RABL6: variants seen among roughly 807,000 people sequenced by gnomAD.
RABL6 encodes rab-like protein 6.
Under a neutral mutation model 72.9 loss-of-function variants are expected in RABL6, and 28 were observed. The observed-to-expected ratio is 0.38, with a 90% CI of 0.28 to 0.53. The LOEUF is 0.53. Ranked by LOEUF, RABL6 falls within the 20% of genes least tolerant of loss-of-function variation. The pLI is 0.80. For synonymous variants in RABL6, 477 were observed against 421.2 expected, an observed-to-expected ratio of 1.13 and a Z score of -1.62; for missense variants, 1,029 against 1,008.4, an observed-to-expected ratio of 1.02 and a Z score of -0.28.
chr9:136,821,694 G>T (rs868215809), intron 1 of RABL6: 1 of 1,013,556 alleles, frequency 9.9e-7, no homozygotes, highest in Non-Finnish European at 1.2e-6. Flanking sequence ...CCTCCTGGCT[G>T]CGCTGAGCGC....
intron 1 of RABL6, among the ~76,000 whole-genome samples, chr9:136,817,553 AGGGGAGGCCGACGTGGGCTGT>A (rs1265502873): frequency 0.011 from 182 of 16,996 alleles, no homozygotes; most frequent in Middle Eastern, 0.024. Flanking sequence ...ACGTGGGCTG[AGGGGAGGCCGACGTGGGCTGT>A]GGGGAGGCCG....
Position 136,840,219 on chromosome 9 carries a change from G to A in RABL6, c.1989+7G>A, listed in dbSNP as rs1231624782. 6.2e-7 allele frequency: 1 copy of A among 1,612,820 alleles called. No individual in the cohort carries two copies. The highest frequency in any genetic ancestry group is 2.2e-5 in the East Asian group (1 of 44,862). On this transcript the variant is annotated splice_region_variant and intron_variant, in intron 14 of 14. Coordinates refer to ENST00000311502, the MANE Select transcript of RABL6 (RefSeq NM_024718.5). ...GAAGAAAAAAGGCAAAGAGGTACTG[G>A]CTACTCCCCTTCCTGGCAGGCCAGG...
chr9:136,810,820 C>T (rs1847995464), intron 1 of RABL6, among the ~76,000 whole-genome samples: 1 of 152,204 alleles, frequency 6.6e-6, no homozygotes, highest in South Asian at 2.1e-4. Flanking sequence ...GGATTACAGG[C>T]GTAAGCCACC....
intron 1 of RABL6, among the ~76,000 whole-genome samples, chr9:136,812,409 A>C (rs1848030163): frequency 1.3e-5 from 2 of 152,120 alleles, no homozygotes. Context: ...AAATATGAAA[A>C]TTAGCCAGGT....
intron 2 of RABL6, 56 bp from the exon 3 acceptor site, chr9:136,825,723 G>T: frequency 6.3e-7 from 1 of 1,576,042 alleles, no homozygotes; most frequent in Non-Finnish European, 8.7e-7. Flanking sequence ...GGACCGCTTT[G>T]TGCCACCTTG....
chr9:136,812,805 C>A, intron 1 of RABL6: 1 of 365,970 alleles, frequency 2.7e-6, no homozygotes, highest in South Asian at 2.4e-5. Context: ...GTCTTCTTTC[C>A]TTGTGGCTTG....
chr9:136,825,503 G>T (rs995844427), intron 2 of RABL6, among the ~76,000 whole-genome samples: 1 of 148,982 alleles, frequency 6.7e-6, no homozygotes, highest in Non-Finnish European at 1.5e-5. Flanking sequence ...GCCGTGCCCA[G>T]GATCGGGGCC....
chr9:136,839,193 CCT>C (rs1848639752), intron 11 of RABL6, 27 bp from the exon 12 acceptor site: 1 of 1,595,232 alleles, frequency 6.3e-7, no homozygotes, highest in African/African-American at 1.3e-5. Context: ...TCCAGAGGAC[CCT>C]GACTGACCCT....
intron 7 of RABL6, chr9:136,832,843 C>G: frequency 3.2e-6 from 1 of 312,816 alleles, no homozygotes; most frequent in Non-Finnish European, 6.2e-6. Flanking sequence ...ACCAAGGAAC[C>G]AACTTTGGCC....
At chr9:136,820,622 C>T (rs1174621759) in intron 1 of RABL6, among the ~76,000 whole-genome samples, 3 of 152,142 alleles carry the variant, frequency 2.0e-5, no homozygotes, top group East Asian at 1.9e-4. Context: ...CCGCCCGCCT[C>T]GGCCTCCCAA....
At chr9:136,837,839 G>A (rs1848611858) in intron 9 of RABL6, 23 bp from the exon 10 acceptor site, 2 of 1,546,454 alleles carry the variant, frequency 1.3e-6, no homozygotes, top group African/African-American at 1.4e-5. Context: ...CGAGTGAAGA[G>A]GACCCGGCAT....
chr9:136,837,424 C>T lies in RABL6; in HGVS notation c.888C>T (p.Gly296=), dbSNP rs1848602981. ...LAANGQSPSP[G]SQSPVVPAGA... Reference sequence around the variant, plus strand: ...CCAACGGGCAGAGCCCATCCCCGGGCTCCCAGTCACCAGTGGTGCCTGCAG... The same window carrying T: ...CCAACGGGCAGAGCCCATCCCCGGGTTCCCAGTCACCAGTGGTGCCTGCAG... The change falls in exon 9 of 15, where the codon GGC becomes GGT. Residue 296 remains glycine, a synonymous_variant. Coordinates refer to ENST00000311502, the MANE Select transcript of RABL6 (RefSeq NM_024718.5). 1 of 1,583,064 alleles carries T rather than the reference C, an allele frequency of 6.3e-7. No individual in the cohort carries two copies. Among genetic ancestry groups the T allele is most frequent in the Non-Finnish European group, 8.6e-7 (1 of 1,166,266 alleles).
chr9:136,836,093 C>A (rs866141127), intron 8 of RABL6: 2 of 417,252 alleles, frequency 4.8e-6, no homozygotes, highest in African/African-American at 4.1e-5. Context: ...TACCGCTGAC[C>A]GTGGCCAGGT....
At chr9:136,828,897 C>T (rs565711276) in intron 4 of RABL6, among the ~76,000 whole-genome samples, 5 of 152,132 alleles carry the variant, frequency 3.3e-5, no homozygotes, top group East Asian at 1.9e-4. Flanking sequence ...TTTCGCTCAC[C>T]GGAGCCACCT....
chr9:136,816,609 CAGG>C (rs1273758573), intron 1 of RABL6, among the ~76,000 whole-genome samples: 1 of 151,098 alleles, frequency 6.6e-6, no homozygotes, highest in Non-Finnish European at 1.5e-5. Context: ...CCCAGCTACT[CAGG>C]AGGCGGAGGC....
intron 2 of RABL6, among the ~76,000 whole-genome samples, chr9:136,823,903 G>A (rs898459182): frequency 2.6e-5 from 4 of 152,232 alleles, no homozygotes; most frequent in African/African-American, 7.2e-5. Context: ...AGCGTTGGCC[G>A]CAGGTGAGTG....
rs749590240 is a variant in RABL6, at chr9:136,839,252, G to A, written c.1524G>A (p.Arg508=). 6.2e-7 allele frequency: 1 copy of A among 1,604,754 alleles called. No individual in the cohort carries two copies. Among genetic ancestry groups the A allele is most frequent in the East Asian group, 2.2e-5 (1 of 44,498 alleles). Residue 508 remains arginine, a synonymous_variant, in exon 12 of 15, where the codon AGG becomes AGA. Coordinates refer to ENST00000311502, the MANE Select transcript of RABL6 (RefSeq NM_024718.5). ...CCATACCAGCTTCGAAGCCACGGAG[G>A]GGGACAGCTCCCACGAGGACCGCAG... ...WSSIPASKPR[R]GTAPTRTAAP...
chr9:136,838,005 G>A lies in RABL6; in HGVS notation c.1270G>A (p.Asp424Asn). The A allele has an allele frequency of 4.5e-6, 7 of 1,562,632 alleles. No homozygotes were observed. The highest frequency in any genetic ancestry group is 6.1e-6 in the Non-Finnish European group (7 of 1,154,206). ...KKVGAKAAQQ[D>N]SDSDGEALGG... is the part of the protein sequence containing the mutation. ...GGTGGGGGCCAAGGCTGCCCAGCAG[G>A]ACAGCGACAGGTGAGGGGTGGGCCT... Residue 424 changes from aspartate to asparagine, a missense_variant, in exon 10 of 15, where the codon GAC becomes AAC. Coordinates refer to ENST00000311502, the MANE Select transcript of RABL6 (RefSeq NM_024718.5).
Position 136,839,257 on chromosome 9 carries a change from C to A in RABL6, c.1529C>A (p.Thr510Lys). The A allele has an allele frequency of 6.2e-7, 1 of 1,605,532 alleles. No homozygotes were observed. The highest frequency in any genetic ancestry group is 8.5e-7 in the Non-Finnish European group (1 of 1,176,560). The change falls in exon 12 of 15, where the codon ACA becomes AAA. Residue 510 changes from threonine to lysine, a missense_variant. Physicochemically the swap from Thr to Lys is moderately conservative, Grantham distance 78. This residue lies in a region of RABL6 where 595 missense variants were observed against 472.4 expected (regional missense o/e 1.26). Coordinates refer to ENST00000311502, the MANE Select transcript of RABL6 (RefSeq NM_024718.5). ...SIPASKPRRG[T>K]APTRTAAPPW... Reference sequence around the variant, plus strand: ...CCAGCTTCGAAGCCACGGAGGGGGACAGCTCCCACGAGGACCGCAGCACCC... The same window carrying A: ...CCAGCTTCGAAGCCACGGAGGGGGAAAGCTCCCACGAGGACCGCAGCACCC...
Sources: gnomAD v4.1 joint callset for allele counts (sites outside exome capture counted in the v4.1 genomes callset) on GRCh38, gnomAD v4.1.1 for gene constraint, gnomAD v4.1.1 regional missense constraint, MANE v1.5 for transcripts, NCBI Gene and HGNC (gene_info 2026-07-23, HGNC 2026-07-21) for gene names.